C2CD5: variants seen among roughly 807,000 people sequenced by gnomAD.
The protein encoded by C2CD5 is C2 calcium dependent domain containing 5.
In C2CD5, 109 loss-of-function variants were observed where a neutral mutation model predicts 130.3. The ratio of observed to expected loss-of-function variants is 0.84; its 90% CI spans 0.72 to 0.98. C2CD5 has a LOEUF of 0.98. Among genes scored for constraint, C2CD5 ranks in the 50% least tolerant of loss-of-function variants. C2CD5 has a pLI of 0.00. For missense variants in C2CD5, 996 were observed against 1,261.8 expected (o/e 0.79, Z 3.19); for synonymous variants, 454 against 429.2 (o/e 1.06, Z -0.71).
At position 22,482,635 on chromosome 12, in the gene C2CD5, T is replaced by A; in HGVS notation, c.1659A>T (p.Leu553=). 15 of 1,613,630 alleles carry A rather than the reference T, an allele frequency of 9.3e-6. No homozygotes were observed. Among genetic ancestry groups the A allele is most frequent in the Non-Finnish European group, 1.3e-5 (15 of 1,179,588 alleles). Residue 553 remains leucine, a synonymous_variant, in exon 14 of 27, where the codon CTA becomes CTT. Transcript: ENST00000446597. Reference sequence around the variant, plus strand: ...ACAAAGCATTCATTCCTTTGAGTTTTAGTTTATTCATTAGCTGAGTATGCA... The same window carrying A: ...ACAAAGCATTCATTCCTTTGAGTTTAAGTTTATTCATTAGCTGAGTATGCA... ...YEVHTQLMNK[L]KLKGMNALFG... is the part of the protein sequence containing the mutation.
intron 3 of C2CD5, chr12:22,534,892 G>A (rs1458728207): frequency 6.2e-6 from 1 of 161,630 alleles, no homozygotes; most frequent in Non-Finnish European, 1.3e-5. Context: ...CTACCAAACT[G>A]TACACTTACA....
intron 13 of C2CD5, among the ~76,000 whole-genome samples, chr12:22,483,230 T>C (rs2136317904): frequency 6.6e-6 from 1 of 152,102 alleles, no homozygotes. Flanking sequence ...TAAAAAATCT[T>C]AAAATCTCTA....
At chr12:22,501,686 C>A (rs1458627616) in intron 10 of C2CD5, among the ~76,000 whole-genome samples, 1 of 152,066 alleles carries the variant, frequency 6.6e-6, no homozygotes, top group Non-Finnish European at 1.5e-5. Flanking sequence ...CGATTGATAT[C>A]AATCTACATC....
intron 3 of C2CD5, among the ~76,000 whole-genome samples, chr12:22,529,219 T>A (rs1950997465): frequency 6.6e-6 from 1 of 152,194 alleles, no homozygotes; most frequent in African/African-American, 2.4e-5. Context: ...AATAAAATGA[T>A]CATTTTGAAT....
In C2CD5 at chr12:22,448,934, C is replaced by T. The variant is rs930829940; in HGVS notation, c.*826G>A. On this transcript the variant is annotated 3_prime_UTR_variant, in exon 27 of 27. Transcript: ENST00000446597. ...AAATCCTGTTTATTTGGTAGGAGTGCAATATTATCTTATTAGGAAATAATT... is the reference window on the plus strand; with the variant it reads ...AAATCCTGTTTATTTGGTAGGAGTGTAATATTATCTTATTAGGAAATAATT... The T allele has an allele frequency of 1.3e-5, 2 of 152,416 alleles. No homozygotes were observed. The highest frequency in any genetic ancestry group is 4.8e-5 in the African/African-American group (2 of 41,344). The allele number at this position is 152,416 out of a possible 1,614,324, so 9.4% of individuals were successfully genotyped here. A position where few individuals can be genotyped will look rare whatever the true frequency, so the allele number is the denominator to read the frequency against.
rs972752697 is a variant in C2CD5, at chr12:22,527,659, C to T, written c.349+62G>A. On this transcript the variant is annotated intron_variant, in intron 4 of 26. Coordinates refer to ENST00000446597, the MANE Select transcript of C2CD5 (RefSeq NM_001286176.2). ...AAACCAGCAAATATAGCACAAATGT[C>T]TTTAAGGACAAATAAAAAAGATTAA... The T allele has an allele frequency of 5.9e-6, 6 of 1,020,976 alleles. No individual in the cohort carries two copies. In the African/African-American group the frequency reaches 8.3e-5, roughly 14 times the overall value. 63.2% of individuals were successfully genotyped at this position (1,020,976 alleles called of 1,614,324 possible).
chr12:22,533,611 A>T (rs1433852888), intron 3 of C2CD5, among the ~76,000 whole-genome samples: 1 of 152,188 alleles, frequency 6.6e-6, no homozygotes. Context: ...ACTTCCTAAG[A>T]AGAGCACAAG....
intron 4 of C2CD5, among the ~76,000 whole-genome samples, chr12:22,526,237 A>G (rs7312333): frequency 0.018 from 2,770 of 152,232 alleles, 101 homozygotes; most frequent in African/African-American, 0.064. Flanking sequence ...TTGACCCAAG[A>G]CTAATTAGAA....
intron 14 of C2CD5, among the ~76,000 whole-genome samples, chr12:22,478,924 T>C (rs1005176399): frequency 3.3e-5 from 5 of 152,052 alleles, no homozygotes; most frequent in Admixed American, 1.3e-4. Context: ...CATCAGGGTA[T>C]ACATAGGACA....
intron 10 of C2CD5, among the ~76,000 whole-genome samples, chr12:22,500,306 G>A (rs1358799628): frequency 6.6e-6 from 1 of 151,478 alleles, no homozygotes; most frequent in South Asian, 2.1e-4. Flanking sequence ...GGCAAGCAAC[G>A]TAGTAAGCAT....
In C2CD5 at chr12:22,449,868, A is replaced by G. The variant is rs775527163; in HGVS notation, c.3048T>C (p.Ser1016=). The change falls in exon 27 of 27, where the codon AGT becomes AGC. Residue 1016 remains serine (S), a synonymous_variant. Coordinates refer to ENST00000446597, the MANE Select transcript of C2CD5 (RefSeq NM_001286176.2). The part of the protein sequence containing the change: ...KNQAQCLINV[S]GDAVVFVRES... The stretch of plus-strand genomic sequence containing the variant: ...CACGAACAAAAACCACTGCATCACC[A>G]CTTACATTTATAAGACACTGTGCCT... The G allele has an allele frequency of 1.2e-6, 2 of 1,610,134 alleles. No individual in the cohort carries two copies. The highest frequency in any genetic ancestry group is 1.7e-6 in the Non-Finnish European group (2 of 1,176,862).
intron 14 of C2CD5, among the ~76,000 whole-genome samples, chr12:22,480,433 CTA>C (rs897434624): frequency 6.6e-6 from 1 of 152,140 alleles, no homozygotes; most frequent in Non-Finnish European, 1.5e-5. Context: ...AGTGCACAAA[CTA>C]TAACAAAGCA....
intron 4 of C2CD5, 46 bp from the exon 5 acceptor site, chr12:22,525,751 T>C (rs754382087): frequency 8.0e-6 from 7 of 877,690 alleles, no homozygotes; most frequent in Admixed American, 2.0e-5. Flanking sequence ...AAGAAAGTAA[T>C]GTACAATTAA....
intron 22 of C2CD5, 146 bp downstream of exon 22, chr12:22,469,563 C>T: frequency 2.1e-6 from 1 of 480,642 alleles, no homozygotes; most frequent in East Asian, 3.5e-5. Flanking sequence ...ATTAATTTCT[C>T]CCCTTTATGA....
At chr12:22,467,389 T>C (rs1355557995) in intron 22 of C2CD5, among the ~76,000 whole-genome samples, 1 of 152,068 alleles carries the variant, frequency 6.6e-6, no homozygotes, top group South Asian at 2.1e-4. Flanking sequence ...TCCGCCTGCT[T>C]CGGCCTCCCA....
chr12:22,519,010 G>T, intron 7 of C2CD5: 1 of 968,820 alleles, frequency 1.0e-6, no homozygotes, highest in Non-Finnish European at 1.5e-6. Flanking sequence ...AAAGGATGAA[G>T]CAAAGATTTA....
chr12:22,515,135 C>A, intron 8 of C2CD5: 1 of 984,952 alleles, frequency 1.0e-6, no homozygotes. Flanking sequence ...AATCCTAGGT[C>A]CCTGTGGGTA....
intron 7 of C2CD5, chr12:22,519,293 T>C (rs1950051947): frequency 6.9e-6 from 10 of 1,449,048 alleles, no homozygotes; most frequent in Middle Eastern, 1.7e-4. Flanking sequence ...ATACAACAGA[T>C]TGCAGAGTTA....
intron 9 of C2CD5, among the ~76,000 whole-genome samples, chr12:22,507,984 A>C (rs1948766143): frequency 6.6e-6 from 1 of 152,176 alleles, no homozygotes; most frequent in Non-Finnish European, 1.5e-5. Flanking sequence ...ACCTCAGATT[A>C]AATGCAACAA....
Sources: gnomAD v4.1 joint callset for allele counts (sites outside exome capture counted in the v4.1 genomes callset) on GRCh38, gnomAD v4.1.1 for gene constraint, MANE v1.5 for transcripts, NCBI Gene and HGNC (gene_info 2026-07-23, HGNC 2026-07-21) for gene names.